Variants in TBX15 observed in about 807,000 individuals in gnomAD.
TBX15 encodes T-box transcription factor 15.
Under a neutral mutation model 53.9 loss-of-function variants are expected in TBX15, and 18 were observed. The ratio of observed to expected loss-of-function variants is 0.33; its 90% CI spans 0.23 to 0.49. The LOEUF is 0.49. TBX15 is among the 20% of genes least tolerant of loss of function. The pLI is 0.98. For synonymous variants in TBX15, 295 were observed against 278.0 expected (o/e 1.06, Z -0.61); for missense variants, 692 against 749.5 (o/e 0.92, Z 0.90).
At chr1:118,920,713 T>C (rs544414641) in intron 5 of TBX15, among the ~76,000 whole-genome samples, 4 of 152,162 alleles carry the variant, frequency 2.6e-5, no homozygotes, top group Non-Finnish European at 4.4e-5. Flanking sequence ...CCAAGTGACC[T>C]AATTGGAAGC....
At chr1:118,889,724 T>G (rs1398573456) in intron 7 of TBX15, among the ~76,000 whole-genome samples, 1 of 152,224 alleles carries the variant, frequency 6.6e-6, no homozygotes, top group Non-Finnish European at 1.5e-5. Flanking sequence ...TTTGTAGAGA[T>G]GTTTTGAGAA....
intron 1 of TBX15, among the ~76,000 whole-genome samples, chr1:118,944,711 G>A (rs1227890831): frequency 6.6e-6 from 1 of 152,166 alleles, no homozygotes; most frequent in African/African-American, 2.4e-5. Flanking sequence ...AAGACTTTGA[G>A]CCCAGGGGCC....
At chr1:118,898,747 T>A (rs1270052324) in intron 7 of TBX15, among the ~76,000 whole-genome samples, 4 of 152,188 alleles carry the variant, frequency 2.6e-5, no homozygotes, top group Non-Finnish European at 5.9e-5. Context: ...TGTGAATGCT[T>A]AGCAATATTA....
At chr1:118,944,031 C>T (rs1656269005) in intron 1 of TBX15, among the ~76,000 whole-genome samples, 1 of 152,130 alleles carries the variant, frequency 6.6e-6, no homozygotes, top group East Asian at 1.9e-4. Flanking sequence ...AAGAAGTTCA[C>T]TTTTGGGGCA....
At chr1:118,923,780 A>G (rs556529627) in intron 4 of TBX15, among the ~76,000 whole-genome samples, 177 bp from the exon 5 acceptor site, 1 of 152,230 alleles carries the variant, frequency 6.6e-6, no homozygotes, top group Non-Finnish European at 1.5e-5. Context: ...ATTAAATAGC[A>G]TTACATGGAA....
rs143347893 is a variant in TBX15 at position 118,908,549 on chromosome 1, C to A, written c.926+5566G>T. On this transcript the variant is annotated intron_variant, in intron 6 of 7. Transcript: ENST00000369429. ...CACTGCCCCCATCCCACACACACAC[C>A]CAAAACCAGATTTGGGCCACACAAT... Among the ~76,000 whole-genome samples the A allele has an allele frequency of 3.1e-4, 47 of 151,230 alleles. 2 individuals carry two copies. In the East Asian group the frequency reaches 9.2e-3, roughly 30 times the overall value.
chr1:118,976,642 C>G (rs1657445725), intron 1 of TBX15, among the ~76,000 whole-genome samples: 1 of 152,208 alleles, frequency 6.6e-6, no homozygotes, highest in Non-Finnish European at 1.5e-5. Context: ...TGCTCACCCC[C>G]TCTTCCTACT....
chr1:118,886,213 G>T (rs1653940681), intron 7 of TBX15, among the ~76,000 whole-genome samples: 2 of 152,280 alleles, frequency 1.3e-5, no homozygotes, highest in Middle Eastern at 3.4e-3. Context: ...TGAACCAGAG[G>T]CTCTGCTGAT....
intron 7 of TBX15, among the ~76,000 whole-genome samples, chr1:118,889,808 A>T (rs1253967281): frequency 6.7e-6 from 1 of 149,622 alleles, no homozygotes; most frequent in Non-Finnish European, 1.5e-5. Context: ...AATTTAAAAA[A>T]AAAAAATTTA....
chr1:118,929,390 G>A (rs534671195), intron 2 of TBX15, among the ~76,000 whole-genome samples: 83 of 152,284 alleles, frequency 5.5e-4, no homozygotes, highest in Non-Finnish European at 1.0e-3. Context: ...AGAAAAATGA[G>A]TGAGAAGCAA....
At chr1:118,929,934 C>A (rs1655725244) in intron 2 of TBX15, among the ~76,000 whole-genome samples, 2 of 152,152 alleles carry the variant, frequency 1.3e-5, no homozygotes, top group South Asian at 4.1e-4. Flanking sequence ...CCTTGAGTTA[C>A]TTTGTTTTCT....
intron 6 of TBX15, among the ~76,000 whole-genome samples, chr1:118,908,078 G>A (rs1390111423): frequency 6.6e-6 from 1 of 152,132 alleles, no homozygotes. Flanking sequence ...TTAGAGATTT[G>A]CTCCTTCTTC....
chr1:118,910,110 C>G, intron 6 of TBX15, among the ~76,000 whole-genome samples: 1 of 152,146 alleles, frequency 6.6e-6, no homozygotes. Context: ...TTCCCCTCTT[C>G]TTGAGCCTCT....
chr1:118,916,737 G>C (rs187895272), intron 5 of TBX15, among the ~76,000 whole-genome samples: 1 of 152,068 alleles, frequency 6.6e-6, no homozygotes, highest in Admixed American at 6.6e-5. Context: ...ATGGTGGTGT[G>C]CACCTGTAGT....
chr1:118,894,224 G>T (rs1654314838), intron 7 of TBX15, among the ~76,000 whole-genome samples: 2 of 152,180 alleles, frequency 1.3e-5, no homozygotes, highest in Admixed American at 6.5e-5. Context: ...ATAGGCTGAA[G>T]CTAGAGTAGT....
intron 1 of TBX15, among the ~76,000 whole-genome samples, chr1:118,984,100 G>A (rs1571223474): frequency 6.6e-6 from 1 of 152,236 alleles, no homozygotes; most frequent in East Asian, 1.9e-4. Flanking sequence ...AAAGTGCCCT[G>A]GGGCGGCCGC....
At chr1:118,971,138 C>T (rs1213654060) in intron 1 of TBX15, among the ~76,000 whole-genome samples, 2 of 152,136 alleles carry the variant, frequency 1.3e-5, no homozygotes, top group East Asian at 3.8e-4. Flanking sequence ...AGAGAGGTTC[C>T]CACAATCTAA....
chr1:118,930,130 T>C (rs1655731903), intron 2 of TBX15, among the ~76,000 whole-genome samples: 1 of 152,212 alleles, frequency 6.6e-6, no homozygotes, highest in African/African-American at 2.4e-5. Flanking sequence ...AAATTTCAGA[T>C]TTATTTTAAC....
intron 1 of TBX15, among the ~76,000 whole-genome samples, chr1:118,963,757 G>A (rs771128912): frequency 1.5e-4 from 23 of 152,196 alleles, no homozygotes; most frequent in Admixed American, 3.3e-4. Context: ...TATTTGTACC[G>A]TTGTACAGTC....
Sources: gnomAD v4.1 joint callset for allele counts (sites outside exome capture counted in the v4.1 genomes callset) on GRCh38, gnomAD v4.1.1 for gene constraint, MANE v1.5 for transcripts, NCBI Gene and HGNC (gene_info 2026-07-23, HGNC 2026-07-21) for gene names.